Variants in PDE10A observed in about 807,000 individuals in gnomAD.
The protein encoded by PDE10A is phosphodiesterase 10A, also known as cAMP and cAMP-inhibited cGMP 3',5'-cyclic phosphodiesterase 10A.
In PDE10A, 39 loss-of-function variants were observed where a neutral mutation model predicts 97.7. The ratio of observed to expected loss-of-function variants is 0.40; its 90% CI spans 0.31 to 0.52. The LOEUF (loss-of-function observed/expected upper bound fraction) is 0.52. Ranked by LOEUF, PDE10A falls within the 20% of genes least tolerant of loss-of-function variation. The pLI is 0.56. For missense variants in PDE10A, 731 were observed against 1,047.8 expected (o/e 0.70, Z 4.17); for synonymous variants, 371 against 376.8 (o/e 0.98, Z 0.18).
intron 1 of PDE10A, among the ~76,000 whole-genome samples, chr6:165,756,541 T>C (rs967831068): frequency 1.3e-5 from 2 of 152,196 alleles, no homozygotes; most frequent in Non-Finnish European, 2.9e-5. Flanking sequence ...TTTCTTTTAA[T>C]ATTGTATCTT....
rs528237442 is a variant in PDE10A, at chr6:165,767,626, C to T, written c.-615+219903G>A. Among the ~76,000 whole-genome samples the T allele has an allele frequency of 2.0e-5, 3 of 152,254 alleles. No individual in the cohort carries two copies. In the South Asian group the frequency reaches 6.2e-4, roughly 32 times the overall value. ...CTGTGGCATGTGTCAGAATTGCATT[C>T]CTTTTTATGTTGGAATAGTATTCCA... On this transcript the variant is annotated intron_variant, in intron 1 of 19. Coordinates refer to the PDE10A transcript ENST00000366882.
chr6:165,659,142 T>C (rs991062716), intron 1 of PDE10A, among the ~76,000 whole-genome samples: 3 of 152,148 alleles, frequency 2.0e-5, no homozygotes, highest in Admixed American at 2.0e-4. Flanking sequence ...GAAGCGGAGC[T>C]GGCATATCAT....
At chr6:165,867,233 A>AG in intron 1 of PDE10A, among the ~76,000 whole-genome samples, 1 of 150,708 alleles carries the variant, frequency 6.6e-6, no homozygotes, top group East Asian at 1.9e-4. Flanking sequence ...CTGAATGGAA[A>AG]AAAAAAAAAA....
chr6:165,571,079 A>C (rs1583563001), intron 1 of PDE10A, among the ~76,000 whole-genome samples: 1 of 152,364 alleles, frequency 6.6e-6, no homozygotes, highest in Admixed American at 6.5e-5. Flanking sequence ...CAAATGTTTC[A>C]GAATCACATG....
chr6:165,420,025 AGGGACTGAGTATAC>A (rs1464030203), intron 10 of PDE10A, among the ~76,000 whole-genome samples: 5 of 152,190 alleles, frequency 3.3e-5, no homozygotes, highest in African/African-American at 1.2e-4. Context: ...CCCACTACGC[AGGGACTGAGTATAC>A]TGCCTAGTAT....
At chr6:165,376,074 G>T (rs1353528122) in intron 18 of PDE10A, among the ~76,000 whole-genome samples, 2 of 152,144 alleles carry the variant, frequency 1.3e-5, no homozygotes, top group Non-Finnish European at 2.9e-5. Context: ...ATGTAACTTT[G>T]TCCTTCAAGT....
intron 1 of PDE10A, among the ~76,000 whole-genome samples, chr6:165,576,130 T>C (rs1785291109): frequency 6.6e-6 from 1 of 152,094 alleles, no homozygotes; most frequent in Admixed American, 6.5e-5. Context: ...ATCACCCAAC[T>C]AGAACACCAC....
In PDE10A at chr6:165,661,699, C is replaced by G. The variant is rs1790273320; in HGVS notation, c.865+248G>C. 6 of 439,764 alleles carry G rather than the reference C, an allele frequency of 1.4e-5. No individual in the cohort carries two copies. Among genetic ancestry groups the G allele is most frequent in the Non-Finnish European group, 2.0e-5 (5 of 251,598 alleles). 27.2% of individuals were successfully genotyped at this position (439,764 alleles called of 1,614,324 possible). A position where few individuals can be genotyped will look rare whatever the true frequency, so the allele number is the denominator to read the frequency against. On this transcript the variant is annotated intron_variant, in intron 1 of 21. Coordinates refer to ENST00000539869, the MANE Select transcript of PDE10A (RefSeq NM_001385079.1). This position sits in a 1 kb window ranked among gnomAD's most constrained non-coding sequence, Gnocchi z 4.8. ...AACGTCCAAGCTCCCGCCGCCCTCCCGAGCCGCCCTTCCCCCGAGCGCTCG... is the reference window on the plus strand; with the variant it reads ...AACGTCCAAGCTCCCGCCGCCCTCCGGAGCCGCCCTTCCCCCGAGCGCTCG...
At chr6:165,499,522 CAGTT>C (rs1447811121) in intron 2 of PDE10A, among the ~76,000 whole-genome samples, 2 of 152,158 alleles carry the variant, frequency 1.3e-5, no homozygotes, top group South Asian at 2.1e-4. Flanking sequence ...TCTGTTGTAT[CAGTT>C]AGGAAATTAT....
chr6:165,691,106 TCCC>T lies in PDE10A; in HGVS notation c.-614-147541_-614-147539del, dbSNP rs35264122. On this transcript the variant is annotated intron_variant, in intron 1 of 19. Coordinates refer to the PDE10A transcript ENST00000366882. ...CTCTCTCTCTCTCTCTCTTTCTCTC[TCCC>T]CCCCCCCATCAGTGCCTGTGGTCAC... Among the ~76,000 whole-genome samples the T allele has an allele frequency of 7.1e-3, 276 of 39,114 alleles. 25 individuals carry two copies. Among genetic ancestry groups the T allele is most frequent in the Non-Finnish European group, 9.6e-3 (212 of 22,036 alleles). The allele number at this position is 39,114 out of a possible 152,430, so 25.7% of individuals were successfully genotyped here. A position where few individuals can be genotyped will look rare whatever the true frequency, so the allele number is the denominator to read the frequency against.
chr6:165,691,106 T>TCTCTCTCTCTCTCC lies in PDE10A; in HGVS notation c.-614-147539_-614-147538insGGAGAGAGAGAGAG, dbSNP rs143783728. On this transcript the variant is annotated intron_variant, in intron 1 of 19. Coordinates refer to the PDE10A transcript ENST00000366882. Reference sequence around the variant, plus strand: ...CTCTCTCTCTCTCTCTCTTTCTCTCTCCCCCCCCCCATCAGTGCCTGTGGT... The same window carrying TCTCTCTCTCTCTCC: ...CTCTCTCTCTCTCTCTCTTTCTCTCTCTCTCTCTCTCTCCCCCCCCCCCCATCAGTGCCTGTGGT... Among the ~76,000 whole-genome samples, 7 of 39,130 alleles carry TCTCTCTCTCTCTCC rather than the reference T, an allele frequency of 1.8e-4. 2 individuals are homozygous for TCTCTCTCTCTCTCC. Among genetic ancestry groups the TCTCTCTCTCTCTCC allele is most frequent in the Admixed American group, 3.3e-4 (1 of 3,070 alleles). 25.7% of individuals were successfully genotyped at this position (39,130 alleles called of 152,430 possible).
intron 1 of PDE10A, among the ~76,000 whole-genome samples, chr6:165,966,793 G>A (rs1338965097): frequency 6.6e-6 from 1 of 152,094 alleles, no homozygotes; most frequent in Admixed American, 6.5e-5. Flanking sequence ...TTTCATTGTG[G>A]TTATTCATGT....
intron 1 of PDE10A, among the ~76,000 whole-genome samples, chr6:165,973,337 C>G (rs372320328): frequency 2.0e-5 from 3 of 151,592 alleles, no homozygotes; most frequent in African/African-American, 7.3e-5. Context: ...CACTTGAACC[C>G]GGGAGGCGGA....
chr6:165,539,287 T>G (rs1283449649), intron 2 of PDE10A, among the ~76,000 whole-genome samples: 1 of 152,132 alleles, frequency 6.6e-6, no homozygotes, highest in Non-Finnish European at 1.5e-5. Context: ...AGCAATAAAA[T>G]TAAACTGAAA....
At chr6:165,583,141 T>G (rs1471736206) in intron 1 of PDE10A, among the ~76,000 whole-genome samples, 2 of 152,200 alleles carry the variant, frequency 1.3e-5, no homozygotes, top group Non-Finnish European at 2.9e-5. Flanking sequence ...TCATTTAATC[T>G]TCAAAATGAT....
At chr6:165,817,133 A>G (rs894029758) in intron 1 of PDE10A, among the ~76,000 whole-genome samples, 4 of 152,088 alleles carry the variant, frequency 2.6e-5, no homozygotes, top group East Asian at 1.9e-4. Flanking sequence ...GTGCCTCTCC[A>G]TCTCCTGCTC....
chr6:165,946,892 A>G (rs1031034355), intron 1 of PDE10A: 1 of 152,210 alleles, frequency 6.6e-6, no homozygotes, highest in Admixed American at 6.5e-5. Flanking sequence ...ATGACTTTTT[A>G]CGTATAATTT....
At chr6:165,771,868 C>T (rs1384334854) in intron 1 of PDE10A, among the ~76,000 whole-genome samples, 5 of 152,082 alleles carry the variant, frequency 3.3e-5, no homozygotes, top group African/African-American at 7.2e-5. Context: ...CCCTGGCCTA[C>T]GCGGTGTGAT....
At chr6:165,883,552 AAT>A (rs1389205769) in intron 1 of PDE10A, among the ~76,000 whole-genome samples, 1 of 68,274 alleles carries the variant, frequency 1.5e-5, no homozygotes. Flanking sequence ...AAAAAAAAAA[AAT>A]AAATAAAAAT....
Sources: allele counts gnomAD v4.1 joint callset (sites outside exome capture counted in the v4.1 genomes callset), GRCh38; gene constraint gnomAD v4.1.1; non-coding constraint Gnocchi (gnomAD v3.1); transcripts MANE v1.5; gene names NCBI Gene and HGNC (gene_info 2026-07-23, HGNC 2026-07-21).